Variants in WASF3 observed in about 807,000 individuals in gnomAD.
WASF3 encodes actin-binding protein WASF3.
Under a neutral mutation model 46.6 loss-of-function variants are expected in WASF3, and 11 were observed. The observed-to-expected ratio is 0.24, with a 90% CI of 0.15 to 0.39. WASF3 has a LOEUF of 0.39. Among genes scored for constraint, WASF3 ranks in the 10% least tolerant of loss-of-function variants. The probability of loss-of-function intolerance (pLI) is 1.00; values close to 1 mark genes in which losing one functional copy is unlikely to be tolerated. For synonymous variants in WASF3, 242 were observed against 259.7 expected (o/e 0.93, Z 0.65); for missense variants, 576 against 669.8 (o/e 0.86, Z 1.55).
chr13:26,558,894 C>T (rs1427906655), intron 1 of WASF3, among the ~76,000 whole-genome samples: 1 of 152,128 alleles, frequency 6.6e-6, no homozygotes, highest in Admixed American at 6.5e-5. Context: ...AAATATTTTG[C>T]ATCTTAAAAA....
intron 3 of WASF3, 70 bp from the exon 4 acceptor site, chr13:26,664,958 G>A: frequency 6.6e-7 from 1 of 1,512,198 alleles, no homozygotes; most frequent in Non-Finnish European, 9.1e-7. Flanking sequence ...ATAAGCACTG[G>A]TGAGGATGTG....
intron 1 of WASF3, among the ~76,000 whole-genome samples, chr13:26,604,864 A>G (rs1382403525): frequency 1.3e-5 from 2 of 152,222 alleles, no homozygotes; most frequent in Non-Finnish European, 2.9e-5. Flanking sequence ...AGCAACAGAA[A>G]GTGCCAAAAG....
chr13:26,630,543 T>C (rs919930300), intron 2 of WASF3, among the ~76,000 whole-genome samples: 6 of 152,276 alleles, frequency 3.9e-5, no homozygotes, highest in African/African-American at 1.4e-4. Context: ...TCACATTTTC[T>C]TAATCCAGTC....
At chr13:26,625,287 A>T (rs914722077) in intron 2 of WASF3, among the ~76,000 whole-genome samples, 1 of 152,152 alleles carries the variant, frequency 6.6e-6, no homozygotes, top group African/African-American at 2.4e-5. Context: ...GAGATTTATT[A>T]TGGAATTTGG....
At chr13:26,556,793 T>C (rs1473078226), upstream of WASF3, among the ~76,000 whole-genome samples, 1 of 152,262 alleles carries the variant, frequency 6.6e-6, no homozygotes, top group Non-Finnish European at 1.5e-5. Flanking sequence ...AACTATTCAT[T>C]AGAATTTAAA....
At chr13:26,624,683 C>T (rs1881412353) in intron 2 of WASF3, among the ~76,000 whole-genome samples, 1 of 151,722 alleles carries the variant, frequency 6.6e-6, no homozygotes, top group Non-Finnish European at 1.5e-5. Flanking sequence ...ACACTGGAAT[C>T]AAGTTGCTGA....
intron 1 of WASF3, among the ~76,000 whole-genome samples, chr13:26,608,218 TTTTC>T (rs1335363966): frequency 6.6e-6 from 1 of 152,178 alleles, no homozygotes; most frequent in Non-Finnish European, 1.5e-5. Flanking sequence ...ATGGGTTCCT[TTTTC>T]TTTGTATTTT....
At chr13:26,561,170 T>G (rs1408063836) in intron 1 of WASF3, among the ~76,000 whole-genome samples, 1 of 151,886 alleles carries the variant, frequency 6.6e-6, no homozygotes, top group Non-Finnish European at 1.5e-5. Context: ...TTGTGTGGAG[T>G]TCGGAGACCT....
chr13:26,655,830 T>C (rs994915082), intron 3 of WASF3, among the ~76,000 whole-genome samples: 22 of 152,202 alleles, frequency 1.4e-4, no homozygotes, highest in Non-Finnish European at 1.5e-4. Flanking sequence ...GGGAGCCCTT[T>C]CAGACAGGCT....
At chr13:26,558,261 C>G (rs541441189) in intron 1 of WASF3, among the ~76,000 whole-genome samples, 1 of 152,128 alleles carries the variant, frequency 6.6e-6, no homozygotes, top group Non-Finnish European at 1.5e-5. Context: ...TCTGCGCGCC[C>G]TCGCTGGTTC....
chr13:26,672,039 T>A (rs1393340958), intron 6 of WASF3, 50 bp downstream of exon 6: 1 of 1,348,758 alleles, frequency 7.4e-7, no homozygotes, highest in Non-Finnish European at 1.0e-6. Flanking sequence ...CAAAGGAGAT[T>A]CTTGTTTAGA....
At chr13:26,652,716 T>C (rs1334470739) in intron 3 of WASF3, among the ~76,000 whole-genome samples, 1 of 152,148 alleles carries the variant, frequency 6.6e-6, no homozygotes, top group Non-Finnish European at 1.5e-5. Context: ...TCAAACAGTA[T>C]TTAAAAAATA....
At chr13:26,678,185 C>T (rs993987729) in intron 7 of WASF3, among the ~76,000 whole-genome samples, 1 of 152,134 alleles carries the variant, frequency 6.6e-6, no homozygotes, top group African/African-American at 2.4e-5. Context: ...TTACTATTTG[C>T]ATACATTATT....
intron 9 of WASF3, among the ~76,000 whole-genome samples, chr13:26,684,244 G>T (rs2137523737): frequency 6.6e-6 from 1 of 151,786 alleles, no homozygotes; most frequent in Non-Finnish European, 1.5e-5. Flanking sequence ...TATCAAGTTC[G>T]GGGTCATTGT....
upstream of WASF3, among the ~76,000 whole-genome samples, chr13:26,553,086 T>C (rs1338104592): frequency 6.6e-6 from 1 of 152,208 alleles, no homozygotes; most frequent in African/African-American, 2.4e-5. Context: ...GGAATATGCT[T>C]GAGAGCTGTT....
intron 2 of WASF3, among the ~76,000 whole-genome samples, chr13:26,632,510 C>G (rs1461473243): frequency 6.6e-6 from 1 of 152,158 alleles, no homozygotes; most frequent in African/African-American, 2.4e-5. Context: ...CCTTGCATCC[C>G]AGGCATGAAG....
At chr13:26,565,804 A>G (rs903903939) in intron 1 of WASF3, among the ~76,000 whole-genome samples, 21 of 152,264 alleles carry the variant, frequency 1.4e-4, no homozygotes, top group African/African-American at 4.1e-4. Context: ...AAGTTTATCA[A>G]TGAAAATGAA....
chr13:26,631,524 G>A (rs1180665532), intron 2 of WASF3, among the ~76,000 whole-genome samples: 2 of 152,088 alleles, frequency 1.3e-5, no homozygotes, highest in Admixed American at 1.3e-4. Context: ...CGGTTCCATT[G>A]GTCTATATCT....
At chr13:26,542,354 C>G in the WASF3 span, among the ~76,000 whole-genome samples, 1 of 152,176 alleles carries the variant, frequency 6.6e-6, no homozygotes, top group Non-Finnish European at 1.5e-5. Context: ...AAATGTGGAA[C>G]AGTGATGGCA....
Sources: allele counts gnomAD v4.1 joint callset (sites outside exome capture counted in the v4.1 genomes callset), GRCh38; gene constraint gnomAD v4.1.1; transcripts MANE v1.5; gene names NCBI Gene and HGNC (gene_info 2026-07-23, HGNC 2026-07-21).